KCNK3: variants seen among roughly 807,000 people sequenced by gnomAD.
The protein encoded by KCNK3 is potassium two pore domain channel subfamily K member 3.
In KCNK3, 9 loss-of-function variants were observed where a neutral mutation model predicts 27.3. That is an observed-to-expected ratio of 0.33 (90% CI 0.20 to 0.57). The LOEUF (loss-of-function observed/expected upper bound fraction) is 0.57. Ranked by LOEUF, KCNK3 falls within the 20% of genes least tolerant of loss-of-function variation. The pLI is 0.87. For missense variants in KCNK3, 391 were observed against 577.7 expected (o/e 0.68, Z 3.31); for synonymous variants, 278 against 273.8 (o/e 1.02, Z -0.15).
chr2:26,708,132 A>G (rs1218124189), intron 1 of KCNK3, among the ~76,000 whole-genome samples: 2 of 152,212 alleles, frequency 1.3e-5, no homozygotes, highest in East Asian at 3.8e-4. Flanking sequence ...AAGGGCCAGC[A>G]AGACAAGAAA....
chr2:26,718,003 T>C (rs1663262458), intron 1 of KCNK3, among the ~76,000 whole-genome samples: 2 of 152,188 alleles, frequency 1.3e-5, no homozygotes, highest in African/African-American at 4.8e-5. Flanking sequence ...CACCCATGAA[T>C]GCAGGGCATC....
At chr2:26,700,828 T>C (rs1193802686) in intron 1 of KCNK3, among the ~76,000 whole-genome samples, 1 of 152,184 alleles carries the variant, frequency 6.6e-6, no homozygotes, top group Non-Finnish European at 1.5e-5. Context: ...GTCTCTTTGC[T>C]GGCTCTGTGA....
chr2:26,706,707 G>A (rs919923410), intron 1 of KCNK3, among the ~76,000 whole-genome samples: 31 of 152,144 alleles, frequency 2.0e-4, no homozygotes, highest in African/African-American at 7.5e-4. Flanking sequence ...GCACTCATCT[G>A]CCTGGGCTCC....
intron 1 of KCNK3, among the ~76,000 whole-genome samples, chr2:26,715,434 G>A (rs1288008743): frequency 3.9e-5 from 6 of 152,206 alleles, no homozygotes; most frequent in Admixed American, 1.3e-4. Context: ...CCCTGCCCTC[G>A]ATAGCCTCTG....
chr2:26,728,403 G>A lies in KCNK3; in HGVS notation c.1020G>A (p.Val340=), dbSNP rs765801365. The change falls in exon 2 of 2, where the codon GTG becomes GTA. Residue 340 remains valine, a synonymous_variant. Coordinates refer to ENST00000302909, the MANE Select transcript of KCNK3 (RefSeq NM_002246.3). ...ACCTCTCCACGTCCGACACGTGCGT[G>A]GAGCAGAGCCACTCGTCGCCGGGAG... ...PRDLSTSDTC[V]EQSHSSPGGG... 24 of 1,597,930 alleles carry A rather than the reference G, an allele frequency of 1.5e-5. No individual in the cohort carries two copies. The highest frequency in any genetic ancestry group is 1.7e-4 in the Middle Eastern group (1 of 6,022).
At chr2:26,716,826 A>T (rs528249900) in intron 1 of KCNK3, among the ~76,000 whole-genome samples, 1 of 152,336 alleles carries the variant, frequency 6.6e-6, no homozygotes, top group African/African-American at 2.4e-5. Context: ...GGAAAAATTG[A>T]GATAAGAAAA....
At chr2:26,698,912 C>T (rs375064069) in intron 1 of KCNK3, among the ~76,000 whole-genome samples, 2 of 152,080 alleles carry the variant, frequency 1.3e-5, no homozygotes, top group Non-Finnish European at 1.5e-5. Flanking sequence ...TGTGGTGGCT[C>T]ACACCTGTAA....
rs1663333859 is a variant in KCNK3, at chr2:26,721,852, T to G, written c.284-5815T>G. Among the ~76,000 whole-genome samples the G allele has an allele frequency of 6.6e-6, 1 of 152,202 alleles. No homozygotes were observed. Among genetic ancestry groups the G allele is most frequent in the African/African-American group, 2.4e-5 (1 of 41,458 alleles). On this transcript the variant is annotated intron_variant, in intron 1 of 1. Transcript: ENST00000302909. The surrounding 1 kb of genome is among the most constrained non-coding windows in gnomAD (Gnocchi z 4.3). ...CAAACATTAGCCCAGCCATTGCCTA[T>G]TTACATTAGATAACTAGGTCAGCCT... is the stretch of plus-strand genomic sequence containing the variant.
chr2:26,728,665 C>G lies in KCNK3; in HGVS notation c.*97C>G. 1 of 1,040,744 alleles carries G rather than the reference C, an allele frequency of 9.6e-7. No individual in the cohort carries two copies. The highest frequency in any genetic ancestry group is 2.2e-5 in the South Asian group (1 of 45,040). The allele number at this position is 1,040,744 out of a possible 1,614,324, so 64.5% of individuals were successfully genotyped here. A position where few individuals can be genotyped will look rare whatever the true frequency, so the allele number is the denominator to read the frequency against. Reference sequence around the variant, plus strand: ...CTGCTGCCTTCTGCCCAGTGGGACCCCGCACAACATCCCTCACCACTCTCC... The same window carrying G: ...CTGCTGCCTTCTGCCCAGTGGGACCGCGCACAACATCCCTCACCACTCTCC... On this transcript the variant is annotated 3_prime_UTR_variant, in exon 2 of 2. Coordinates refer to ENST00000302909, the MANE Select transcript of KCNK3 (RefSeq NM_002246.3).
At chr2:26,710,664 G>A (rs1663094831) in intron 1 of KCNK3, among the ~76,000 whole-genome samples, 1 of 152,158 alleles carries the variant, frequency 6.6e-6, no homozygotes, top group Non-Finnish European at 1.5e-5. Context: ...GATAAAGGAG[G>A]CTGTCTGGGA....
intron 1 of KCNK3, among the ~76,000 whole-genome samples, chr2:26,726,102 C>CAGAG (rs775668682): frequency 0.014 from 1,972 of 136,036 alleles, 21 homozygotes; most frequent in Non-Finnish European, 0.02. Flanking sequence ...CACACACACA[C>CAGAG]ACACAGAGAG....
At chr2:26,726,100 CACACACAGAG>C (rs1477665881) in intron 1 of KCNK3, among the ~76,000 whole-genome samples, 1,663 of 109,644 alleles carry the variant, frequency 0.015, 30 homozygotes, top group African/African-American at 0.058. Flanking sequence ...CACACACACA[CACACACAGAG>C]AGAGAGAGAG....
intron 1 of KCNK3, among the ~76,000 whole-genome samples, chr2:26,709,909 G>T (rs963614692): frequency 6.6e-6 from 1 of 152,142 alleles, no homozygotes; most frequent in African/African-American, 2.4e-5. Flanking sequence ...CACCAGCTCC[G>T]CCTGCCTTAC....
chr2:26,716,933 C>G (rs1476744986), intron 1 of KCNK3, among the ~76,000 whole-genome samples: 1 of 152,210 alleles, frequency 6.6e-6, no homozygotes, highest in Non-Finnish European at 1.5e-5. Flanking sequence ...TGGCCCACCA[C>G]TTGTTGCTGT....
At chr2:26,720,337 AT>A (rs1277682935) in intron 1 of KCNK3, among the ~76,000 whole-genome samples, 2 of 152,214 alleles carry the variant, frequency 1.3e-5, no homozygotes, top group African/African-American at 4.8e-5. Flanking sequence ...TAAGGTCCCT[AT>A]CCCCAGGCAC....
rs751754869 is a variant in KCNK3, at chr2:26,728,048, C to T, written c.665C>T (p.Ala222Val). Residue 222 changes from alanine (A) to valine (V), a missense_variant, in exon 2 of 2, where the codon GCC (alanine) becomes GTC (valine). Transcript: ENST00000302909. Reference protein sequence around the residue: ...QALQTQPQYVAFSFVYILTGL... With the variant: ...QALQTQPQYVVFSFVYILTGL... ...CTGCAGACGCAGCCGCAGTACGTGGCCTTCAGCTTCGTCTACATCCTTACG... is the reference window on the plus strand; with the variant it reads ...CTGCAGACGCAGCCGCAGTACGTGGTCTTCAGCTTCGTCTACATCCTTACG... 2 of 1,614,180 alleles carry T rather than the reference C, an allele frequency of 1.2e-6. No homozygotes were observed. Among genetic ancestry groups the T allele is most frequent in the Admixed American group, 3.3e-5 (2 of 60,028 alleles).
At position 26,693,416 on chromosome 2, in the gene KCNK3, C is replaced by T. The variant is rs1192395147; in HGVS notation, c.283+258C>T. ...CTTGGCCCTGCCATGTTGCATAGGC[C>T]CCCAGGGACTCCGAAGTGTGTGAGA... On this transcript the variant is annotated intron_variant, in intron 1 of 1. Transcript: ENST00000302909. The surrounding 1 kb of genome is among the most constrained non-coding windows in gnomAD (Gnocchi z 5.5). Among the ~76,000 whole-genome samples, 2 of 152,150 alleles carry T rather than the reference C, an allele frequency of 1.3e-5. No homozygotes were observed. Among genetic ancestry groups the T allele is most frequent in the African/African-American group, 2.4e-5 (1 of 41,438 alleles).
At chr2:26,694,134 C>T (rs1056102799) in intron 1 of KCNK3, among the ~76,000 whole-genome samples, 2 of 152,154 alleles carry the variant, frequency 1.3e-5, no homozygotes, top group African/African-American at 4.8e-5. Flanking sequence ...CCATCACTAC[C>T]GTGATATATG....
intron 1 of KCNK3, among the ~76,000 whole-genome samples, chr2:26,702,443 A>G (rs933783615): frequency 2.0e-5 from 3 of 152,194 alleles, no homozygotes; most frequent in Non-Finnish European, 2.9e-5. Context: ...ATGAGTCCCA[A>G]CTTCAAATAT....
Sources: gnomAD v4.1 joint callset for allele counts (sites outside exome capture counted in the v4.1 genomes callset) on GRCh38, gnomAD v4.1.1 for gene constraint, Gnocchi (gnomAD v3.1) non-coding constraint, MANE v1.5 for transcripts, NCBI Gene and HGNC (gene_info 2026-07-23, HGNC 2026-07-21) for gene names.